The following GNAO1 variants were observed in gnomAD, a reference collection of about 807,000 sequenced individuals.
GNAO1 encodes G protein subunit alpha o1.
For synonymous variants in GNAO1, 164 were observed against 180.7 expected, an observed-to-expected ratio of 0.91 and a Z score of 0.74; for missense variants, 166 against 478.7, an observed-to-expected ratio of 0.35 and a Z score of 6.10.
At chr16:56,333,842 C>T (rs1248064125) in intron 4 of GNAO1, among the ~76,000 whole-genome samples, 1 of 152,262 alleles carries the variant, frequency 6.6e-6, no homozygotes, top group African/African-American at 2.4e-5. Flanking sequence ...TGGTTTGCCC[C>T]GGCAGCAGGG....
chr16:56,226,903 A>G (rs2036537425), intron 2 of GNAO1, among the ~76,000 whole-genome samples: 1 of 152,238 alleles, frequency 6.6e-6, no homozygotes, highest in Non-Finnish European at 1.5e-5. Flanking sequence ...TCCAGAAAGC[A>G]TCCCACTCTT....
At position 56,308,734 on chromosome 16, in the gene GNAO1, C is replaced by T. The variant is rs117048558; in HGVS notation, c.304-19897C>T. On this transcript the variant is annotated intron_variant, in intron 3 of 8. Coordinates refer to ENST00000262493, the MANE Select transcript of GNAO1 (RefSeq NM_020988.3). ...GGGATCACAGTGGACTGAGGTGAACCGGCACCCACGGGGCTGGGCGCCCAG... is the reference window on the plus strand; with the variant it reads ...GGGATCACAGTGGACTGAGGTGAACTGGCACCCACGGGGCTGGGCGCCCAG... Among the ~76,000 whole-genome samples the T allele has an allele frequency of 7.9e-3, 1,206 of 152,158 alleles. 6 individuals carry two copies. Among genetic ancestry groups the T allele is most frequent in the Non-Finnish European group, 0.013 (863 of 67,976 alleles).
intron 3 of GNAO1, among the ~76,000 whole-genome samples, chr16:56,306,110 CCAG>C (rs1338959719): frequency 1.3e-5 from 2 of 152,178 alleles, no homozygotes; most frequent in Admixed American, 1.3e-4. Context: ...GCTGAGGAGC[CCAG>C]TTCCACTGCT....
intron 6 of GNAO1, chr16:56,347,310 G>C: frequency 1.0e-6 from 1 of 985,502 alleles, no homozygotes; most frequent in Non-Finnish European, 1.2e-6. Flanking sequence ...TCAGTGTGCA[G>C]TGCCGAAGGC....
Position 56,204,658 on chromosome 16 carries a change from C to T in GNAO1, c.161+12042C>T, listed in dbSNP as rs149399858. On this transcript the variant is annotated intron_variant, in intron 2 of 8. Coordinates refer to ENST00000262493, the MANE Select transcript of GNAO1 (RefSeq NM_020988.3). ...CATGGCATTGCCAAGTTAGATAGTA[C>T]TGAGGAAAGACCATTGTATTTGAAG... 5.5e-3 allele frequency among the ~76,000 whole-genome samples: 833 copies of T among 152,262 alleles called. 3 individuals are homozygous for T. The highest frequency in any genetic ancestry group is 8.5e-3 in the Non-Finnish European group (578 of 68,024).
intron 3 of GNAO1, among the ~76,000 whole-genome samples, chr16:56,309,299 A>T (rs2037430902): frequency 2.0e-5 from 3 of 152,180 alleles, no homozygotes; most frequent in Admixed American, 2.0e-4. Context: ...ATTTGAGGTG[A>T]TCTTCTCTCA....
intron 3 of GNAO1, among the ~76,000 whole-genome samples, chr16:56,296,969 T>G (rs77942345): frequency 6.6e-6 from 1 of 152,202 alleles, no homozygotes; most frequent in Non-Finnish European, 1.5e-5. Flanking sequence ...GTCTCCCTCA[T>G]GCCTAAAATC....
At chr16:56,341,881 C>T (rs1433729030) in intron 6 of GNAO1, among the ~76,000 whole-genome samples, 1 of 152,236 alleles carries the variant, frequency 6.6e-6, no homozygotes, top group African/African-American at 2.4e-5. Context: ...GTGGGGCACC[C>T]TCAGCCCGAC....
At chr16:56,340,104 A>G (rs117535878) in intron 6 of GNAO1, among the ~76,000 whole-genome samples, 1,555 of 151,876 alleles carry the variant, frequency 0.01, 10 homozygotes, top group Non-Finnish European at 0.016. Context: ...GGTTGAACCA[A>G]TTTTTCAGTA....
chr16:56,332,402 C>T (rs1187365262), intron 4 of GNAO1, among the ~76,000 whole-genome samples: 5 of 152,212 alleles, frequency 3.3e-5, no homozygotes, highest in African/African-American at 1.2e-4. Context: ...CTCAGTCTCC[C>T]CTATCCAGAC....
At chr16:56,196,393 C>T (rs1263224003) in intron 2 of GNAO1, among the ~76,000 whole-genome samples, 1 of 152,118 alleles carries the variant, frequency 6.6e-6, no homozygotes. Context: ...CTGAGTTATT[C>T]AGACTAATCA....
At chr16:56,231,491 C>T (rs1233487826) in intron 2 of GNAO1, among the ~76,000 whole-genome samples, 3 of 152,042 alleles carry the variant, frequency 2.0e-5, no homozygotes, top group South Asian at 2.1e-4. Context: ...GAGCCAGGTC[C>T]GAGTCTGTTT....
rs922717697 is a variant in GNAO1, at chr16:56,320,233, A to G, written c.304-8398A>G. ...GTCCCATCCTCCTCCCGTGTGCCCA[A>G]TCATCATGAGGGTGGGCGGGTTGCT... is the stretch of plus-strand genomic sequence containing the variant. On this transcript the variant is annotated intron_variant, in intron 3 of 8. Coordinates refer to ENST00000262493, the MANE Select transcript of GNAO1 (RefSeq NM_020988.3). Among the ~76,000 whole-genome samples the G allele has an allele frequency of 7.2e-5, 11 of 152,176 alleles. No individual in the cohort carries two copies. In the East Asian group the frequency reaches 7.7e-4, roughly 11 times the overall value.
intron 4 of GNAO1, among the ~76,000 whole-genome samples, chr16:56,330,010 G>A (rs1596868455): frequency 6.6e-6 from 1 of 152,210 alleles, no homozygotes; most frequent in Non-Finnish European, 1.5e-5. Context: ...AGAGGCTGAG[G>A]CCAATGTTCA....
chr16:56,347,303 G>T lies in GNAO1; in HGVS notation c.724-4081G>T, dbSNP rs1567494505. On this transcript the variant is annotated intron_variant, in intron 6 of 8. Coordinates refer to ENST00000262493, the MANE Select transcript of GNAO1 (RefSeq NM_020988.3). ...CAGCTCCGCGGCCACCAGAGATTCAGTGTGCAGTGCCGAAGGCAGTCACCC... is the reference window on the plus strand; with the variant it reads ...CAGCTCCGCGGCCACCAGAGATTCATTGTGCAGTGCCGAAGGCAGTCACCC... 3 of 985,474 alleles carry T rather than the reference G, an allele frequency of 3.0e-6. No individual in the cohort carries two copies. In the East Asian group the frequency reaches 3.4e-4, roughly 112 times the overall value. The allele number at this position is 985,474 out of a possible 1,614,324, so 61.0% of individuals were successfully genotyped here.
chr16:56,324,368 G>A (rs753701859), intron 3 of GNAO1, among the ~76,000 whole-genome samples: 1 of 152,146 alleles, frequency 6.6e-6, no homozygotes, highest in East Asian at 1.9e-4. Flanking sequence ...CTGCTCTCAG[G>A]TCCTGACTTG....
intron 2 of GNAO1, among the ~76,000 whole-genome samples, chr16:56,196,346 A>G (rs1262707094): frequency 1.3e-5 from 2 of 152,192 alleles, no homozygotes; most frequent in Non-Finnish European, 2.9e-5. Flanking sequence ...CTCACCTGTG[A>G]TACAGCCTCA....
chr16:56,319,383 G>A (rs1344034263), intron 3 of GNAO1, among the ~76,000 whole-genome samples: 2 of 152,174 alleles, frequency 1.3e-5, no homozygotes, highest in African/African-American at 4.8e-5. Flanking sequence ...TGCTATGACA[G>A]GAGAAGCTGG....
intron 3 of GNAO1, among the ~76,000 whole-genome samples, chr16:56,314,472 T>C (rs140993679): frequency 6.5e-4 from 99 of 152,322 alleles, no homozygotes; most frequent in African/African-American, 2.2e-3. Flanking sequence ...ACGTGTTTTG[T>C]GCTTACTTCC....
Sources: gnomAD v4.1 joint callset for allele counts (sites outside exome capture counted in the v4.1 genomes callset) on GRCh38, gnomAD v4.1.1 for gene constraint, MANE v1.5 for transcripts, NCBI Gene and HGNC (gene_info 2026-07-23, HGNC 2026-07-21) for gene names.